Variants in CTNNA2 observed in about 807,000 individuals in gnomAD.
CTNNA2 encodes catenin alpha-2.
In CTNNA2, 42 loss-of-function variants were observed where a neutral mutation model predicts 101.0. The ratio of observed to expected loss-of-function variants is 0.42; its 90% confidence interval spans 0.32 to 0.54. The LOEUF is 0.54. Among genes scored for constraint, CTNNA2 ranks in the 20% least tolerant of loss-of-function variants. The probability of loss-of-function intolerance (pLI) is 0.14; values close to 1 mark genes in which losing one functional copy is unlikely to be tolerated. For missense variants in CTNNA2, 871 were observed against 1,223.1 expected, an observed-to-expected ratio of 0.71 and a Z score of 4.29; for synonymous variants, 450 against 456.4, an observed-to-expected ratio of 0.99 and a Z score of 0.18.
chr2:79,408,148 T>C (rs1403372056), intron 4 of CTNNA2, among the ~76,000 whole-genome samples: 2 of 152,024 alleles, frequency 1.3e-5, no homozygotes, highest in Non-Finnish European at 2.9e-5. Flanking sequence ...CGTCCCATCT[T>C]CTTCCATTAA....
At chr2:80,320,367 A>G (rs1678558409) in intron 7 of CTNNA2, among the ~76,000 whole-genome samples, 1 of 152,222 alleles carries the variant, frequency 6.6e-6, no homozygotes. Context: ...GATCTATATT[A>G]GAAAAAGCCT....
intron 8 of CTNNA2, among the ~76,000 whole-genome samples, chr2:80,403,599 TA>T (rs1185970831): frequency 6.6e-6 from 1 of 152,202 alleles, no homozygotes; most frequent in East Asian, 1.9e-4. Flanking sequence ...TGCCTAATTA[TA>T]AGGCTGGGTT....
intron 7 of CTNNA2, among the ~76,000 whole-genome samples, chr2:80,377,302 A>G (rs927540140): frequency 6.6e-6 from 1 of 152,206 alleles, no homozygotes; most frequent in African/African-American, 2.4e-5. Flanking sequence ...GCCTTTCCTT[A>G]GGAAGCTTAC....
chr2:80,259,904 G>T (rs956096324), intron 7 of CTNNA2, among the ~76,000 whole-genome samples: 1 of 152,128 alleles, frequency 6.6e-6, no homozygotes, highest in Non-Finnish European at 1.5e-5. Context: ...CTGCGCAAAG[G>T]GTTTGAAAAT....
At chr2:79,992,103 C>G (rs1480139605) in intron 7 of CTNNA2, among the ~76,000 whole-genome samples, 1 of 152,090 alleles carries the variant, frequency 6.6e-6, no homozygotes, top group East Asian at 1.9e-4. Flanking sequence ...TGATTTTCAG[C>G]AGACTTTCCT....
At chr2:80,298,459 C>T (rs1343122072) in intron 7 of CTNNA2, 2 of 152,098 alleles carry the variant, frequency 1.3e-5, no homozygotes, top group East Asian at 3.9e-4. Context: ...CCATCAATGC[C>T]CTGTTCTACT....
At chr2:79,891,865 TGTG>T (rs1281962383) in intron 6 of CTNNA2, among the ~76,000 whole-genome samples, 1 of 152,158 alleles carries the variant, frequency 6.6e-6, no homozygotes, top group African/African-American at 2.4e-5. Flanking sequence ...TCTTTTGAGT[TGTG>T]GTGACTGTGA....
intron 7 of CTNNA2, among the ~76,000 whole-genome samples, chr2:80,128,433 C>G (rs1702250063): frequency 6.6e-6 from 1 of 152,084 alleles, no homozygotes; most frequent in African/African-American, 2.4e-5. Flanking sequence ...AGTCCCTATC[C>G]TCTCTGGGCC....
intron 7 of CTNNA2, among the ~76,000 whole-genome samples, chr2:79,961,714 C>T (rs1046692651): frequency 2.7e-5 from 4 of 148,002 alleles, no homozygotes; most frequent in Admixed American, 6.9e-5. Flanking sequence ...CCCAGCTACT[C>T]GGGAGGCTGA....
intron 2 of CTNNA2, among the ~76,000 whole-genome samples, chr2:79,680,904 G>A (rs1208199968): frequency 6.6e-6 from 1 of 152,176 alleles, no homozygotes; most frequent in Non-Finnish European, 1.5e-5. Context: ...CTGCAGTGTG[G>A]AACTGGGACC....
chr2:80,482,029 A>C (rs879378690), intron 9 of CTNNA2, among the ~76,000 whole-genome samples: 9 of 152,114 alleles, frequency 5.9e-5, no homozygotes, highest in Non-Finnish European at 1.0e-4. Context: ...GACATTTAAC[A>C]ACATATGCAA....
At chr2:79,369,851 C>T (rs1239572042) in intron 3 of CTNNA2, among the ~76,000 whole-genome samples, 1 of 152,214 alleles carries the variant, frequency 6.6e-6, no homozygotes, top group Non-Finnish European at 1.5e-5. Flanking sequence ...TCTGGGATCA[C>T]TTCAGTCCTC....
intron 9 of CTNNA2, among the ~76,000 whole-genome samples, chr2:80,470,060 G>A (rs940767660): frequency 1.3e-5 from 2 of 152,050 alleles, no homozygotes; most frequent in African/African-American, 4.8e-5. Flanking sequence ...TCCTTTACCC[G>A]TGCGGGGGAG....
chr2:79,405,640 T>C (rs1182575467), intron 4 of CTNNA2, among the ~76,000 whole-genome samples: 2 of 152,060 alleles, frequency 1.3e-5, no homozygotes, highest in African/African-American at 4.8e-5. Context: ...ATTGTTTTTT[T>C]CCCCATTTTT....
intron 4 of CTNNA2, among the ~76,000 whole-genome samples, chr2:79,374,509 A>AAT (rs558345478): frequency 0.01 from 585 of 55,866 alleles, 1 homozygote; most frequent in Admixed American, 0.018. Context: ...TCATTAGAGT[A>AAT]ATATATATAT....
intron 2 of CTNNA2, among the ~76,000 whole-genome samples, chr2:79,287,102 T>G (rs1675618414): frequency 6.6e-6 from 1 of 152,214 alleles, no homozygotes; most frequent in South Asian, 2.1e-4. Flanking sequence ...GGTTTTCAGC[T>G]CCATCAGCTC....
intron 7 of CTNNA2, among the ~76,000 whole-genome samples, chr2:80,153,385 C>T (rs988652753): frequency 3.3e-5 from 5 of 152,288 alleles, no homozygotes; most frequent in African/African-American, 1.2e-4. Context: ...TTAGGTTAAA[C>T]TAATCCCTCC....
intron 3 of CTNNA2, among the ~76,000 whole-genome samples, chr2:79,810,352 G>A (rs572370381): frequency 2.6e-5 from 4 of 151,946 alleles, no homozygotes; most frequent in Admixed American, 6.6e-5. Context: ...ATTAGATCTC[G>A]TGAGACTTAT....
chr2:79,579,208 TTCCC>T (rs907455302), intron 1 of CTNNA2, among the ~76,000 whole-genome samples: 5 of 149,132 alleles, frequency 3.4e-5, no homozygotes, highest in Non-Finnish European at 7.5e-5. Flanking sequence ...TCCTTCCTCC[TTCCC>T]TCCCTCCCTC....
Sources: gnomAD v4.1 joint callset for allele counts (sites outside exome capture counted in the v4.1 genomes callset) on GRCh38, gnomAD v4.1.1 for gene constraint, MANE v1.5 for transcripts, NCBI Gene and HGNC (gene_info 2026-07-23, HGNC 2026-07-21) for gene names.